The following LPA variants were observed in gnomAD, a reference collection of about 807,000 sequenced individuals.
LPA encodes the protein lipoprotein(a), also known as apolipoprotein(a).
A neutral mutation model predicts 197.9 loss-of-function variants in LPA; 199 were observed. That is an observed-to-expected ratio of 1.01 (90% CI 0.90 to 1.13). The LOEUF (loss-of-function observed/expected upper bound fraction) is 1.13, where lower values mean the gene tolerates loss of function less well. LPA is among the 50% of genes most tolerant of loss of function. LPA has a pLI of 0.00. For missense variants in LPA, 1,853 were observed against 1,785.8 expected (o/e 1.04, Z -0.68); for synonymous variants, 715 against 639.5 (o/e 1.12, Z -1.78).
chr6:160,647,831 G>C (rs780103124), intron 2 of LPA, among the ~76,000 whole-genome samples: 1 of 152,058 alleles, frequency 6.6e-6, no homozygotes, highest in African/African-American at 2.4e-5. Flanking sequence ...GCTTCAACTC[G>C]TCAACTCTCA....
At chr6:160,578,170 T>A (rs988658995) in intron 27 of LPA, among the ~76,000 whole-genome samples, 2 of 152,154 alleles carry the variant, frequency 1.3e-5, no homozygotes, top group Admixed American at 6.5e-5. Flanking sequence ...CTACTTTAAA[T>A]CACTGGAAAG....
intron 27 of LPA, among the ~76,000 whole-genome samples, chr6:160,577,976 A>G (rs112515320): frequency 3.3e-5 from 5 of 152,312 alleles, no homozygotes; most frequent in African/African-American, 1.2e-4. Context: ...TTCAAAGCTG[A>G]GGTGAACAGA....
chr6:160,537,689 T>C (rs1777915228), intron 37 of LPA, among the ~76,000 whole-genome samples, 166 bp downstream of exon 37: 1 of 152,248 alleles, frequency 6.6e-6, no homozygotes, highest in Non-Finnish European at 1.5e-5. Context: ...CCCAAGTCCC[T>C]TGAAGACTGA....
At chr6:160,598,020 T>C (rs1779165972) in intron 20 of LPA, among the ~76,000 whole-genome samples, 1 of 152,168 alleles carries the variant, frequency 6.6e-6, no homozygotes, top group South Asian at 2.1e-4. Context: ...GCTGCCTTTA[T>C]TCTAGGAATA....
At chr6:160,600,776 G>T (rs903969778) in intron 19 of LPA, 141 bp downstream of exon 19, 9 of 951,914 alleles carry the variant, frequency 9.5e-6, no homozygotes, top group East Asian at 2.6e-5. Context: ...CAGAGAGTGC[G>T]CTAAGGCTTC....
At chr6:160,577,709 C>G (rs1778711447) in intron 27 of LPA, among the ~76,000 whole-genome samples, 1 of 152,110 alleles carries the variant, frequency 6.6e-6, no homozygotes, top group Non-Finnish European at 1.5e-5. Flanking sequence ...ATTGCTCATA[C>G]CAAGGCAAAA....
At chr6:160,653,614 T>C (rs1205928135) in intron 1 of LPA, among the ~76,000 whole-genome samples, 4 of 151,866 alleles carry the variant, frequency 2.6e-5, no homozygotes, top group Non-Finnish European at 5.9e-5. Context: ...GAAGAGCTGA[T>C]ATCAAGCCTC....
rs1385997577 is a variant in LPA at position 160,595,434 on chromosome 6, T to C, written c.3389A>G (p.Gln1130Arg). ...GACACTTGATTCTGTCACCAGGCAT[T>C]GTGTCAGGTTGCAGTACTCCCACCT... ...SVRWEYCNLT[Q>R]CLVTESSVLA... Residue 1130 changes from glutamine to arginine, a missense_variant, in exon 21 of 39, where the codon CAA (glutamine) becomes CGA (arginine). By Grantham distance (43) the Gln-to-Arg change is conservative. Coordinates refer to ENST00000316300, the MANE Select transcript of LPA (RefSeq NM_005577.4). The C allele has an allele frequency of 6.2e-7, 1 of 1,613,614 alleles. No homozygotes were observed. Among genetic ancestry groups the C allele is most frequent in the African/African-American group, 1.3e-5 (1 of 74,884 alleles).
chr6:160,559,206 G>A (rs761049224), intron 28 of LPA, among the ~76,000 whole-genome samples: 16 of 152,174 alleles, frequency 1.1e-4, no homozygotes, highest in Non-Finnish European at 1.8e-4. Flanking sequence ...CACTGCCAGA[G>A]GCAAATACAT....
chr6:160,609,596 T>A (rs181076811), intron 16 of LPA, among the ~76,000 whole-genome samples: 3 of 152,248 alleles, frequency 2.0e-5, no homozygotes, highest in Non-Finnish European at 4.4e-5. Flanking sequence ...TTCTTCATAA[T>A]TGAAAAGTTA....
chr6:160,535,148 G>A (rs1777867360), intron 37 of LPA, among the ~76,000 whole-genome samples: 1 of 18,912 alleles, frequency 5.3e-5, no homozygotes, highest in Admixed American at 4.9e-4. Flanking sequence ...ATTGGAGATG[G>A]TGTTGATGGT....
At chr6:160,599,788 C>T (rs563118918) in intron 19 of LPA, 129 bp from the exon 20 acceptor site, 3 of 969,808 alleles carry the variant, frequency 3.1e-6, no homozygotes, top group Non-Finnish European at 4.8e-6. Flanking sequence ...TATTAATAGG[C>T]AAATGGACAT....
At chr6:160,576,340 G>A (rs990871684) in intron 28 of LPA, among the ~76,000 whole-genome samples, 22 of 40,410 alleles carry the variant, frequency 5.4e-4, no homozygotes, top group South Asian at 2.0e-3. Flanking sequence ...GTGTGTGTGT[G>A]TATATATATA....
chr6:160,570,977 T>C (rs1035007108), intron 28 of LPA, among the ~76,000 whole-genome samples: 1 of 152,176 alleles, frequency 6.6e-6, no homozygotes, highest in African/African-American at 2.4e-5. Context: ...TCCAACTTGG[T>C]TCCATTCTCC....
At chr6:160,553,937 C>CTGTGTGTGTGTGTG (rs59853609) in intron 30 of LPA, among the ~76,000 whole-genome samples, 6,010 of 139,000 alleles carry the variant, frequency 0.043, 133 homozygotes, top group East Asian at 0.065. Context: ...CTCTCTCTCT[C>CTGTGTGTGTGTGTG]TGTGTGTGTG....
intron 25 of LPA, among the ~76,000 whole-genome samples, chr6:160,585,688 A>C (rs1778897547): frequency 6.6e-6 from 1 of 152,154 alleles, no homozygotes; most frequent in Non-Finnish European, 1.5e-5. Context: ...AGGATCTTGC[A>C]TCTAGGACTT....
intron 34 of LPA, among the ~76,000 whole-genome samples, 153 bp from the exon 35 acceptor site, chr6:160,541,334 TC>T (rs201151746): frequency 0.018 from 2,777 of 152,306 alleles, 44 homozygotes; most frequent in Non-Finnish European, 0.029. Context: ...AGTAGAAACT[TC>T]GAGCTGTGCT....
intron 24 of LPA, among the ~76,000 whole-genome samples, chr6:160,588,939 C>T (rs905582222): frequency 1.3e-5 from 2 of 152,200 alleles, no homozygotes; most frequent in Non-Finnish European, 2.9e-5. Flanking sequence ...GAAAGGCTGG[C>T]ATAGCCAGAC....
chr6:160,539,965 T>C (rs1777954464), intron 36 of LPA, 78 bp downstream of exon 36: 4 of 1,588,328 alleles, frequency 2.5e-6, no homozygotes, highest in Non-Finnish European at 2.6e-6. Flanking sequence ...TGCCATGCAG[T>C]GGCCATGGCC....
Sources: allele counts gnomAD v4.1 joint callset (sites outside exome capture counted in the v4.1 genomes callset), GRCh38; gene constraint gnomAD v4.1.1; transcripts MANE v1.5; gene names NCBI Gene and HGNC (gene_info 2026-07-23, HGNC 2026-07-21).